HIC1: variants seen among roughly 807,000 people sequenced by gnomAD.
HIC1 encodes hypermethylated in cancer 1 protein.
A neutral mutation model predicts 26.4 loss-of-function variants in HIC1; 9 were observed. That is an observed-to-expected ratio of 0.34 (90% confidence interval 0.21 to 0.59). The LOEUF (loss-of-function observed/expected upper bound fraction) is 0.59. HIC1 is among the 20% of genes least tolerant of loss of function. The probability of loss-of-function intolerance (pLI) is 0.82; values close to 1 mark genes in which losing one functional copy is unlikely to be tolerated. For synonymous variants in HIC1, 631 were observed against 523.1 expected (o/e 1.21, Z -2.81); for missense variants, 965 against 1,075.7 (o/e 0.90, Z 1.44).
rs989902013 is a variant in HIC1, at chr17:2,057,530, G to A, written c.840G>A (p.Glu280=). The A allele has an allele frequency of 1.0e-5, 15 of 1,495,942 alleles. No individual in the cohort carries two copies. The highest frequency in any genetic ancestry group is 1.2e-5 in the Non-Finnish European group (13 of 1,128,386). 92.7% of individuals were successfully genotyped at this position (1,495,942 alleles called of 1,614,324 possible). The change falls in exon 2 of 2, where the codon GAG becomes GAA. Residue 280 remains glutamate (E), a synonymous_variant. Transcript: ENST00000619757. ...CGCTGCCCTTCCAGAAGCTGGAGGA[G>A]GCCGCACCGCCTTCCGACCCATTTC... is the stretch of plus-strand genomic sequence containing the variant. ...LPPLPFQKLE[E]AAPPSDPFRG... is the part of the protein sequence containing the mutation.
intron 1 of HIC1, chr17:2,056,238 C>A: frequency 1.5e-6 from 2 of 1,359,846 alleles, no homozygotes; most frequent in Non-Finnish European, 2.1e-6. Flanking sequence ...ACTGGGGCAA[C>A]TTCTCCCGAG....
In HIC1 at chr17:2,057,376, G is replaced by T; in HGVS notation, c.686G>T (p.Ser229Ile). Residue 229 changes from serine (S) to isoleucine (I), a missense_variant, in exon 2 of 2, where the codon AGC becomes ATC. This residue lies in a region of HIC1 where 526 missense variants were observed against 525.0 expected (regional missense o/e 1.00). Coordinates refer to ENST00000619757, the MANE Select transcript of HIC1 (RefSeq NM_006497.4). The part of the protein sequence containing the change: ...PLCGLDLSKK[S>I]PPGSAAPERP... ...TGTGGCCTGGACCTGTCCAAGAAGA[G>T]CCCGCCGGGCTCCGCGGCGCCAGAG... The T allele has an allele frequency of 6.9e-7, 1 of 1,453,024 alleles. No individual in the cohort carries two copies. The highest frequency in any genetic ancestry group is 9.0e-7 in the Non-Finnish European group (1 of 1,109,890). 90.0% of individuals were successfully genotyped at this position (1,453,024 alleles called of 1,614,324 possible).
In HIC1 at chr17:2,055,443, C is replaced by G. The variant is rs1035278625; in HGVS notation, c.-21+205C>G. Among the ~76,000 whole-genome samples, 6 of 151,514 alleles carry G rather than the reference C, an allele frequency of 4.0e-5. No homozygotes were observed. Among genetic ancestry groups the G allele is most frequent in the Non-Finnish European group, 8.8e-5 (6 of 67,840 alleles). ...CGGGTTCACGGCGGGGTCAGCGGCC[C>G]GGGGCCGGCTCTGCCCGCACATGGG... On this transcript the variant is annotated intron_variant, in intron 1 of 1. Coordinates refer to ENST00000619757, the MANE Select transcript of HIC1 (RefSeq NM_006497.4). This position sits in a 1 kb window ranked among gnomAD's most constrained non-coding sequence, Gnocchi z 6.4.
At chr17:2,056,355 C>T (rs2067672542) in intron 1 of HIC1, 1 of 1,612,446 alleles carries the variant, frequency 6.2e-7, no homozygotes, top group African/African-American at 1.3e-5. Context: ...GGGTAACTGT[C>T]TCCAAAAGGG....
chr17:2,056,901 A>T lies in HIC1; in HGVS notation c.211A>T (p.Ser71Cys), dbSNP rs769269916. 6.2e-7 allele frequency: 1 copy of T among 1,612,784 alleles called. No individual in the cohort carries two copies. Residue 71 changes from serine (S) to cysteine (C), a missense_variant, in exon 2 of 2, where the codon AGC (serine) becomes TGC (cysteine). By Grantham distance (112) the Ser-to-Cys change is moderately radical. Transcript: ENST00000619757. ...NLLNLDHDMVSPAVFRLVLDF... is the reference protein window; with the variant it reads ...NLLNLDHDMVCPAVFRLVLDF... ...GCTCAACCTGGACCATGACATGGTG[A>T]GCCCGGCCGTGTTCCGCCTGGTGCT...
rs1597309136 is a variant in HIC1, at chr17:2,061,335, G to A, written c.*2500G>A. On this transcript the variant is annotated 3_prime_UTR_variant, in exon 2 of 2. Transcript: ENST00000619757. ...TTGGGAGGGGCTCTGTGAGGAGCAG[G>A]TCCCCCACAGCATGGCCGTGGCGTG... 3 of 713,890 alleles carry A rather than the reference G, an allele frequency of 4.2e-6. No homozygotes were observed. In the Admixed American group the frequency reaches 8.2e-5, roughly 19 times the overall value. The allele number at this position is 713,890 out of a possible 1,614,324, so 44.2% of individuals were successfully genotyped here. A position where few individuals can be genotyped will look rare whatever the true frequency, so the allele number is the denominator to read the frequency against.
chr17:2,062,708 C>A lies in HIC1; in HGVS notation c.*3873C>A, dbSNP rs1038994170. On this transcript the variant is annotated 3_prime_UTR_variant, in exon 2 of 2. Coordinates refer to ENST00000619757, the MANE Select transcript of HIC1 (RefSeq NM_006497.4). ...GGTCCAGGTCCGGCAGACAGCAAGG[C>A]ACAGGAAGTGTCCTGCTGTGCTCAC... The A allele has an allele frequency of 6.6e-6, 1 of 152,296 alleles. No homozygotes were observed. Among genetic ancestry groups the A allele is most frequent in the Non-Finnish European group, 1.5e-5 (1 of 68,120 alleles). The allele number at this position is 152,296 out of a possible 1,614,324, so 9.4% of individuals were successfully genotyped here.
chr17:2,057,635 C>T lies in HIC1; in HGVS notation c.945C>T (p.His315=). The T allele has an allele frequency of 6.6e-7, 1 of 1,514,860 alleles. No homozygotes were observed. Among genetic ancestry groups the T allele is most frequent in the South Asian group, 1.2e-5 (1 of 81,876 alleles). 93.8% of individuals were successfully genotyped at this position (1,514,860 alleles called of 1,614,324 possible). A position where few individuals can be genotyped will look rare whatever the true frequency, so the allele number is the denominator to read the frequency against. Reference sequence around the variant, plus strand: ...GTCTCCTCTATCGCTGGATGAAGCACGAGCCGGGCCTGGGTAGCTATGGCG... The same window carrying T: ...GTCTCCTCTATCGCTGGATGAAGCATGAGCCGGGCCTGGGTAGCTATGGCG... ...GPSLLYRWMK[H]EPGLGSYGDE... The change falls in exon 2 of 2, where the codon CAC becomes CAT. Residue 315 remains histidine, a synonymous_variant. Coordinates refer to ENST00000619757, the MANE Select transcript of HIC1 (RefSeq NM_006497.4).
Position 2,057,122 on chromosome 17 carries a change from C to T in HIC1, c.432C>T (p.Gly144=), listed in dbSNP as rs2067679751. The change falls in exon 2 of 2, where the codon GGC becomes GGT. Residue 144 remains glycine (G), a synonymous_variant. Coordinates refer to ENST00000619757, the MANE Select transcript of HIC1 (RefSeq NM_006497.4). The part of the protein sequence containing the change: ...GKYCHLRGGG[G]GGGGYAPYGR... ...ACTGCCACCTGCGGGGCGGCGGCGG[C>T]GGCGGCGGCGGCTACGCGCCCTATG... is the stretch of plus-strand genomic sequence containing the variant. The T allele has an allele frequency of 5.3e-6, 7 of 1,312,056 alleles. No homozygotes were observed. Among genetic ancestry groups the T allele is most frequent in the Non-Finnish European group, 6.7e-6 (7 of 1,039,986 alleles). 81.3% of individuals were successfully genotyped at this position (1,312,056 alleles called of 1,614,324 possible).
In HIC1 at chr17:2,058,331, C is replaced by T. The variant is rs1326445679; in HGVS notation, c.1641C>T (p.Asp547=). 4.3e-6 allele frequency: 7 copies of T among 1,609,626 alleles called. No homozygotes were observed. Among genetic ancestry groups the T allele is most frequent in the African/African-American group, 1.3e-5 (1 of 74,992 alleles). The change falls in exon 2 of 2, where the codon GAC becomes GAT. Residue 547 remains aspartate, a synonymous_variant. Coordinates refer to ENST00000619757, the MANE Select transcript of HIC1 (RefSeq NM_006497.4). ...SHLGLKPFAC[D]ACGMRFTRQY... is the part of the protein sequence containing the mutation. ...TGGGCCTCAAGCCCTTCGCGTGCGA[C>T]GCGTGCGGCATGCGGTTCACGCGCC...
chr17:2,057,640 C>T lies in HIC1; in HGVS notation c.950C>T (p.Pro317Leu), dbSNP rs868502185. The T allele has an allele frequency of 2.6e-6, 4 of 1,517,220 alleles. No individual in the cohort carries two copies. The highest frequency in any genetic ancestry group is 2.0e-5 in the Admixed American group (1 of 50,288). 94.0% of individuals were successfully genotyped at this position (1,517,220 alleles called of 1,614,324 possible). A position where few individuals can be genotyped will look rare whatever the true frequency, so the allele number is the denominator to read the frequency against. ...CTCTATCGCTGGATGAAGCACGAGC[C>T]GGGCCTGGGTAGCTATGGCGACGAG... ...SLLYRWMKHE[P>L]GLGSYGDELG... The change falls in exon 2 of 2, where the codon CCG (proline) becomes CTG (leucine). Residue 317 changes from proline (P) to leucine (L), a missense_variant. This residue lies in a region of HIC1 where 526 missense variants were observed against 525.0 expected (regional missense o/e 1.00). Transcript: ENST00000619757.
rs541430004 is a variant in HIC1, at chr17:2,058,931, G to A, written c.*96G>A. Reference sequence around the variant, plus strand: ...GGCGCGCAGGGCCCACTGTGCCCGGGACAACCGCAGCGTCGCCACAGTGGC... The same window carrying A: ...GGCGCGCAGGGCCCACTGTGCCCGGAACAACCGCAGCGTCGCCACAGTGGC... On this transcript the variant is annotated 3_prime_UTR_variant, in exon 2 of 2. Transcript: ENST00000619757. The A allele has an allele frequency of 2.7e-6, 3 of 1,120,210 alleles. No individual in the cohort carries two copies. The highest frequency in any genetic ancestry group is 3.3e-5 in the African/African-American group (2 of 60,410). The allele number at this position is 1,120,210 out of a possible 1,614,324, so 69.4% of individuals were successfully genotyped here. A position where few individuals can be genotyped will look rare whatever the true frequency, so the allele number is the denominator to read the frequency against.
chr17:2,056,266 C>T (rs1260095203), intron 1 of HIC1: 6 of 1,570,644 alleles, frequency 3.8e-6, no homozygotes, highest in South Asian at 1.1e-5. Context: ...GCGCTGGTTC[C>T]TCGGCTCCCT....
chr17:2,056,150 G>C (rs1444546353), intron 1 of HIC1: 1 of 467,076 alleles, frequency 2.1e-6, no homozygotes, highest in Non-Finnish European at 3.8e-6. Context: ...CCCGGGCCCC[G>C]ACCGAGGGTT....
At position 2,056,842 on chromosome 17, in the gene HIC1, C is replaced by G. The variant is rs1178481585; in HGVS notation, c.152C>G (p.Ala51Gly). 2 of 1,612,828 alleles carry G rather than the reference C, an allele frequency of 1.2e-6. No individual in the cohort carries two copies. Among genetic ancestry groups the G allele is most frequent in the East Asian group, 4.5e-5 (2 of 44,896 alleles). The stretch of plus-strand genomic sequence containing the variant: ...AAGAACGTGCTGGCGGCCAGCAGCG[C>G]CTACCTCAAGTCCCTGGTGGTGCAT... ...AHKNVLAASS[A>G]YLKSLVVHDN... Residue 51 changes from alanine (A) to glycine (G), a missense_variant, in exon 2 of 2, where the codon GCC becomes GGC. Physicochemically the swap from Ala to Gly is moderately conservative, Grantham distance 60. Around this residue, in one of 6 missense-constraint regions of HIC1, gnomAD observed 64 missense variants for 114.0 expected, o/e 0.56. Transcript: ENST00000619757.
Position 2,058,124 on chromosome 17 carries a change from G to A in HIC1, c.1434G>A (p.Pro478=). ...GCGGGGACAAGGTCGCCGGGGCTCC[G>A]GGTGGCCTGGGAGAGCTGCTGCGGC... ...GGGGDKVAGA[P]GGLGELLRPY... Residue 478 remains proline, a synonymous_variant, in exon 2 of 2, where the codon CCG becomes CCA. Coordinates refer to ENST00000619757, the MANE Select transcript of HIC1 (RefSeq NM_006497.4). 1.2e-6 allele frequency: 2 copies of A among 1,602,314 alleles called. No homozygotes were observed. The highest frequency in any genetic ancestry group is 1.1e-5 in the South Asian group (1 of 90,496).
chr17:2,058,945 C>A lies in HIC1; in HGVS notation c.*110C>A. 2 of 1,002,338 alleles carry A rather than the reference C, an allele frequency of 2.0e-6. No individual in the cohort carries two copies. Among genetic ancestry groups the A allele is most frequent in the Non-Finnish European group, 2.7e-6 (2 of 733,558 alleles). 62.1% of individuals were successfully genotyped at this position (1,002,338 alleles called of 1,614,324 possible). On this transcript the variant is annotated 3_prime_UTR_variant, in exon 2 of 2. Transcript: ENST00000619757. ...ACTGTGCCCGGGACAACCGCAGCGT[C>A]GCCACAGTGGCGGCTCCACCTCTCG...
Position 2,058,839 on chromosome 17 carries a change from G to A in HIC1, c.*4G>A, listed in dbSNP as rs968539690. The A allele has an allele frequency of 6.9e-7, 1 of 1,440,372 alleles. No homozygotes were observed. The highest frequency in any genetic ancestry group is 1.5e-5 in the South Asian group (1 of 68,758). The allele number at this position is 1,440,372 out of a possible 1,614,324, so 89.2% of individuals were successfully genotyped here. ...CGACCGTTTCTCTCCCACCTAGAGC[G>A]CCCCTCGCCAGCCCGCTCTGTCGCT... On this transcript the variant is annotated 3_prime_UTR_variant, in exon 2 of 2. Coordinates refer to ENST00000619757, the MANE Select transcript of HIC1 (RefSeq NM_006497.4).
At chr17:2,056,456 G>A in intron 1 of HIC1, 2 of 1,374,288 alleles carry the variant, frequency 1.5e-6, no homozygotes, top group Admixed American at 1.7e-5. Flanking sequence ...CCCCTCCACC[G>A]GCGGCCGCTC....
Sources: gnomAD v4.1 joint callset for allele counts (sites outside exome capture counted in the v4.1 genomes callset) on GRCh38, gnomAD v4.1.1 for gene constraint, gnomAD v4.1.1 regional missense constraint, Gnocchi (gnomAD v3.1) non-coding constraint, MANE v1.5 for transcripts, NCBI Gene and HGNC (gene_info 2026-07-23, HGNC 2026-07-21) for gene names.